SLC36A1: variants seen among roughly 807,000 people sequenced by gnomAD.
SLC36A1 encodes the protein solute carrier family 36 member 1, also known as proton-coupled amino acid transporter 1.
In SLC36A1, 30 loss-of-function variants were observed where a neutral mutation model predicts 47.5. The ratio of observed to expected loss-of-function variants is 0.63; its 90% CI spans 0.47 to 0.86. SLC36A1 has a LOEUF of 0.86. Ranked by LOEUF, SLC36A1 falls within the 40% of genes least tolerant of loss-of-function variation. The probability of loss-of-function intolerance (pLI) is 0.00; values close to 1 mark genes in which losing one functional copy is unlikely to be tolerated. For missense variants in SLC36A1, 517 were observed against 606.0 expected, an observed-to-expected ratio of 0.85 and a Z score of 1.54; for synonymous variants, 255 against 249.7, an observed-to-expected ratio of 1.02 and a Z score of -0.20.
chr5:151,443,265 A>T (rs1365973956), upstream of SLC36A1, among the ~76,000 whole-genome samples: 1 of 152,168 alleles, frequency 6.6e-6, no homozygotes, highest in African/African-American at 2.4e-5. Flanking sequence ...TAATGGCTGC[A>T]CCAGTCTACA....
At chr5:151,416,598 TA>T in the SLC36A1 span, among the ~76,000 whole-genome samples, 2 of 151,070 alleles carry the variant, frequency 1.3e-5, no homozygotes, top group East Asian at 1.9e-4. Context: ...AACTAAAGAC[TA>T]AAAAAAAAGA....
chr5:151,509,202 A>AT, the SLC36A1 span, among the ~76,000 whole-genome samples: 3 of 152,142 alleles, frequency 2.0e-5, no homozygotes, highest in Non-Finnish European at 4.4e-5. Flanking sequence ...CACTTCAGCC[A>AT]TTTTCAGACT....
rs565444244 is a variant in SLC36A1 at position 151,463,705 on chromosome 5, T to C, written c.234+62T>C. ...ATTTTAGGAGGTAGCTTTTTGTTGT[T>C]GTTAAAATGTACTTGCTTTAAAACA... On this transcript the variant is annotated intron_variant, in intron 3 of 10. Coordinates refer to ENST00000243389, the MANE Select transcript of SLC36A1 (RefSeq NM_078483.4). 3 of 1,256,522 alleles carry C rather than the reference T, an allele frequency of 2.4e-6. No individual in the cohort carries two copies. In the African/African-American group the frequency reaches 4.4e-5, roughly 18 times the overall value. The allele number at this position is 1,256,522 out of a possible 1,614,324, so 77.8% of individuals were successfully genotyped here.
chr5:151,542,043 C>A, the SLC36A1 span, among the ~76,000 whole-genome samples: 1 of 152,144 alleles, frequency 6.6e-6, no homozygotes, highest in African/African-American at 2.4e-5. Flanking sequence ...TTTTGCAAAG[C>A]ACTTTCTAAT....
At chr5:151,355,987 G>A in the SLC36A1 span, among the ~76,000 whole-genome samples, 1 of 152,066 alleles carries the variant, frequency 6.6e-6, no homozygotes, top group Non-Finnish European at 1.5e-5. Flanking sequence ...TAATTCCAAT[G>A]TTTTTGATTT....
chr5:151,473,420 A>G (rs1260667937), intron 7 of SLC36A1, among the ~76,000 whole-genome samples: 2 of 152,100 alleles, frequency 1.3e-5, no homozygotes, highest in Non-Finnish European at 2.9e-5. Flanking sequence ...CTTTTTATGC[A>G]AGCCCCAACA....
chr5:151,488,108 A>G lies in SLC36A1; in HGVS notation c.1285A>G (p.Met429Val), dbSNP rs777113295. The part of the protein sequence containing the change: ...LEVTTFYSEG[M>V]SPLTIFKDAL... ...GGTCACCACCTTCTACTCAGAGGGC[A>G]TGAGCCCCCTCACCATCTTTAAGGA... is the stretch of plus-strand genomic sequence containing the variant. Residue 429 changes from methionine to valine, a missense_variant, in exon 11 of 11, where the codon ATG becomes GTG. Transcript: ENST00000243389. 6.2e-7 allele frequency: 1 copy of G among 1,614,166 alleles called. No individual in the cohort carries two copies. Among genetic ancestry groups the G allele is most frequent in the Non-Finnish European group, 8.5e-7 (1 of 1,180,000 alleles).
chr5:151,512,356 A>G, the SLC36A1 span: 1 of 1,614,202 alleles, frequency 6.2e-7, no homozygotes, highest in Non-Finnish European at 8.5e-7. The surrounding 1 kb of genome is among the most constrained non-coding windows in gnomAD (Gnocchi z 4.1). Context: ...GCCCTGGGAG[A>G]CATTCGAGGA....
At chr5:151,511,536 G>T in the SLC36A1 span, 1 of 153,006 alleles carries the variant, frequency 6.5e-6, no homozygotes, top group Non-Finnish European at 1.5e-5. Context: ...ATAGGAGAAT[G>T]CTCCCTGCAG....
chr5:151,484,431 A>G (rs951922242), intron 10 of SLC36A1, among the ~76,000 whole-genome samples: 5 of 152,212 alleles, frequency 3.3e-5, no homozygotes, highest in Admixed American at 1.3e-4. Flanking sequence ...TTGGAGCCCC[A>G]TCGCTTTGCT....
upstream of SLC36A1, among the ~76,000 whole-genome samples, chr5:151,435,787 A>G (rs896210410): frequency 2.6e-5 from 4 of 151,994 alleles, no homozygotes; most frequent in African/African-American, 9.7e-5. Flanking sequence ...AATAGGTGGA[A>G]GATATAGAAT....
the SLC36A1 span, among the ~76,000 whole-genome samples, chr5:151,541,003 A>T: frequency 1.3e-5 from 2 of 152,226 alleles, no homozygotes; most frequent in Non-Finnish European, 2.9e-5. Context: ...ACTTCAAAAT[A>T]TGTGGCTGAA....
At position 151,471,858 on chromosome 5, in the gene SLC36A1, C is replaced by T. The variant is rs541817640; in HGVS notation, c.724-1815C>T. Among the ~76,000 whole-genome samples the T allele has an allele frequency of 7.7e-4, 118 of 152,294 alleles. 1 individual carries two copies. Among genetic ancestry groups the T allele is most frequent in the African/African-American group, 2.8e-3 (115 of 41,556 alleles). On this transcript the variant is annotated intron_variant, in intron 7 of 10. Coordinates refer to ENST00000243389, the MANE Select transcript of SLC36A1 (RefSeq NM_078483.4). Reference sequence around the variant, plus strand: ...GCCCCGTATTATCCAAATAGCCATACAGTTAAATCAATTTTAAAACATTGT... The same window carrying T: ...GCCCCGTATTATCCAAATAGCCATATAGTTAAATCAATTTTAAAACATTGT...
the SLC36A1 span, among the ~76,000 whole-genome samples, chr5:151,548,690 A>G: frequency 6.6e-6 from 1 of 152,178 alleles, no homozygotes; most frequent in Non-Finnish European, 1.5e-5. Context: ...CATGTTGGCT[A>G]GGCGGGTCTC....
Position 151,479,314 on chromosome 5 carries a change from CG to C in SLC36A1, c.990-4del, listed in dbSNP as rs748987219. The C allele has an allele frequency of 5.6e-6, 9 of 1,613,064 alleles. No homozygotes were observed. Among genetic ancestry groups the C allele is most frequent in the Middle Eastern group, 3.3e-4 (2 of 6,058 alleles). On this transcript the variant is annotated splice_polypyrimidine_tract_variant and splice_region_variant and intron_variant, in intron 9 of 10. Transcript: ENST00000243389. ...GGCTTGGAATGTCTCCTGTCTGTTT[CG>C]GCAGGTTGTACCAGTCAGTTAAGCT...
At chr5:151,413,512 T>C in the SLC36A1 span, among the ~76,000 whole-genome samples, 1,665 of 152,288 alleles carry the variant, frequency 0.011, 71 homozygotes, top group East Asian at 0.14. Flanking sequence ...TATGCATGTT[T>C]GAATATTTAT....
the SLC36A1 span, among the ~76,000 whole-genome samples, chr5:151,506,634 T>A: frequency 6.6e-6 from 1 of 152,234 alleles, no homozygotes; most frequent in Admixed American, 6.5e-5. Context: ...GTTTCCGTAT[T>A]TGACACATAG....
the SLC36A1 span, among the ~76,000 whole-genome samples, chr5:151,390,191 G>T: frequency 6.6e-6 from 1 of 152,116 alleles, no homozygotes; most frequent in African/African-American, 2.4e-5. Flanking sequence ...TGTGTCTGTT[G>T]GCTGCAGAAA....
intron 9 of SLC36A1, chr5:151,477,628 G>A (rs1758255409): frequency 6.6e-6 from 1 of 152,098 alleles, no homozygotes; most frequent in Non-Finnish European, 1.5e-5. Flanking sequence ...ATTTTAACTC[G>A]TGAGGCATAC....
Sources: allele counts gnomAD v4.1 joint callset (sites outside exome capture counted in the v4.1 genomes callset), GRCh38; gene constraint gnomAD v4.1.1; non-coding constraint Gnocchi (gnomAD v3.1); transcripts MANE v1.5; gene names NCBI Gene and HGNC (gene_info 2026-07-23, HGNC 2026-07-21).